Variants in GRIK2 observed in about 807,000 individuals in gnomAD.
The protein encoded by GRIK2 is glutamate ionotropic receptor kainate type subunit 2.
Under a neutral mutation model 100.3 loss-of-function variants are expected in GRIK2, and 32 were observed. The observed-to-expected ratio is 0.32, with a 90% confidence interval of 0.24 to 0.43. The LOEUF (loss-of-function observed/expected upper bound fraction) is 0.43. GRIK2 is among the 20% of genes least tolerant of loss of function. GRIK2 has a pLI of 1.00. For synonymous variants in GRIK2, 417 were observed against 389.4 expected (o/e 1.07, Z -0.83); for missense variants, 843 against 1,114.9 (o/e 0.76, Z 3.47).
At chr6:101,578,155 G>A (rs914089346) in intron 2 of GRIK2, among the ~76,000 whole-genome samples, 1 of 152,138 alleles carries the variant, frequency 6.6e-6, no homozygotes, top group African/African-American at 2.4e-5. Flanking sequence ...ATTACAGCCA[G>A]GGATGCACAG....
intron 14 of GRIK2, among the ~76,000 whole-genome samples, chr6:101,952,012 G>A (rs561031830): frequency 1.1e-4 from 17 of 152,230 alleles, no homozygotes; most frequent in East Asian, 1.9e-4. Flanking sequence ...TAACATTTCC[G>A]TCATCACAAA....
At chr6:101,572,815 A>ATTATTTATTTAT (rs3056164) in intron 2 of GRIK2, among the ~76,000 whole-genome samples, 153 of 109,852 alleles carry the variant, frequency 1.4e-3, no homozygotes, top group Non-Finnish European at 1.5e-3. Context: ...ATTGTTGTTT[A>ATTATTTATTTAT]TTATTTATTT....
In GRIK2 at chr6:102,055,321, CT is replaced by C. The variant is rs1347986425; in HGVS notation, c.2312-6del. The C allele has an allele frequency of 1.4e-5, 23 of 1,598,932 alleles. No individual in the cohort carries two copies. The highest frequency in any genetic ancestry group is 1.8e-5 in the Non-Finnish European group (21 of 1,168,670). On this transcript the variant is annotated splice_region_variant and splice_polypyrimidine_tract_variant and intron_variant, in intron 15 of 16. Transcript: ENST00000369134. ...CTTGAAATACTTAACATAACCTCTC[CT>C]TTCTTAGGTTCTCCATATCGAGACA...
chr6:101,395,582 A>T (rs1249546745), intron 1 of GRIK2, among the ~76,000 whole-genome samples: 1 of 152,202 alleles, frequency 6.6e-6, no homozygotes, highest in Non-Finnish European at 1.5e-5. Flanking sequence ...CACTGGCAGA[A>T]TAGGAAACTA....
chr6:101,860,869 G>A (rs1784696426), intron 11 of GRIK2: 7 of 638,262 alleles, frequency 1.1e-5, no homozygotes, highest in African/African-American at 2.0e-5. Flanking sequence ...AGGGGCTTTG[G>A]ATTTATTTTT....
chr6:101,654,575 C>T (rs1439525520), intron 4 of GRIK2, among the ~76,000 whole-genome samples: 1 of 152,298 alleles, frequency 6.6e-6, no homozygotes, highest in East Asian at 1.9e-4. Context: ...TCAATACCAG[C>T]ACCAGTCTGT....
chr6:101,707,767 A>G (rs1282090850), intron 7 of GRIK2, among the ~76,000 whole-genome samples: 1 of 151,428 alleles, frequency 6.6e-6, no homozygotes, highest in Non-Finnish European at 1.5e-5. Context: ...CATTTGATGT[A>G]TAGTCTTTGA....
chr6:101,942,481 T>C (rs1791015294), intron 14 of GRIK2, among the ~76,000 whole-genome samples: 1 of 152,184 alleles, frequency 6.6e-6, no homozygotes, highest in Admixed American at 6.5e-5. Flanking sequence ...TAGAGACTTG[T>C]TGAATGGTTT....
chr6:101,703,425 C>T (rs1337412), intron 7 of GRIK2, among the ~76,000 whole-genome samples: 97,160 of 151,662 alleles, frequency 0.64, 32,870 homozygotes, highest in Non-Finnish European at 0.77. Flanking sequence ...GCTATGAGAA[C>T]TGCTTAATTT....
At chr6:101,887,644 G>A (rs140517009) in intron 11 of GRIK2, among the ~76,000 whole-genome samples, 1 of 152,242 alleles carries the variant, frequency 6.6e-6, no homozygotes, top group Non-Finnish European at 1.5e-5. Flanking sequence ...AGGAAGCATG[G>A]CTATGGAAGC....
intron 4 of GRIK2, among the ~76,000 whole-genome samples, chr6:101,632,609 T>G (rs1462707800): frequency 6.6e-6 from 1 of 152,166 alleles, no homozygotes; most frequent in African/African-American, 2.4e-5. Context: ...GAATTGTGTT[T>G]CTTTGATTTC....
At chr6:101,398,619 T>C (rs528184655) in intron 1 of GRIK2, among the ~76,000 whole-genome samples, 2 of 152,338 alleles carry the variant, frequency 1.3e-5, no homozygotes, top group African/African-American at 4.8e-5. Context: ...CAGTTGATTG[T>C]AAGAAGTCCG....
At chr6:101,916,450 G>A (rs1234419345) in intron 12 of GRIK2, among the ~76,000 whole-genome samples, 2 of 151,232 alleles carry the variant, frequency 1.3e-5, no homozygotes, top group Non-Finnish European at 3.0e-5. Flanking sequence ...CTATTCGAGT[G>A]AAAATTAAGG....
intron 2 of GRIK2, among the ~76,000 whole-genome samples, chr6:101,454,712 A>G (rs1770900761): frequency 3.3e-5 from 5 of 152,106 alleles, no homozygotes; most frequent in Admixed American, 3.3e-4. Flanking sequence ...AAGTTCCAAT[A>G]GCTTTCTCTG....
intron 7 of GRIK2, among the ~76,000 whole-genome samples, chr6:101,701,400 T>C (rs750482641): frequency 4.6e-5 from 7 of 152,082 alleles, no homozygotes; most frequent in Non-Finnish European, 8.8e-5. Context: ...GGAGAAGAGA[T>C]GTTAATTTGA....
At chr6:101,695,167 G>C (rs1207942008) in intron 7 of GRIK2, among the ~76,000 whole-genome samples, 1 of 152,028 alleles carries the variant, frequency 6.6e-6, no homozygotes, top group Non-Finnish European at 1.5e-5. Flanking sequence ...CCCAGATCAA[G>C]GTATTGGCAG....
chr6:101,711,813 A>G (rs976391116), intron 7 of GRIK2, among the ~76,000 whole-genome samples: 1 of 149,660 alleles, frequency 6.7e-6, no homozygotes. Context: ...TGGGCACACA[A>G]ATCAGCTACA....
intron 2 of GRIK2, among the ~76,000 whole-genome samples, chr6:101,411,307 T>C (rs1775873146): frequency 1.3e-5 from 2 of 152,130 alleles, no homozygotes; most frequent in Non-Finnish European, 2.9e-5. Flanking sequence ...AATTCAAACA[T>C]TGACAAGATA....
At chr6:102,001,452 C>T (rs1051294512) in intron 14 of GRIK2, among the ~76,000 whole-genome samples, 21 of 151,516 alleles carry the variant, frequency 1.4e-4, no homozygotes, top group Admixed American at 4.6e-4. Context: ...TGAGAACATG[C>T]GGTGTTTGGT....
Sources: gnomAD v4.1 joint callset for allele counts (sites outside exome capture counted in the v4.1 genomes callset) on GRCh38, gnomAD v4.1.1 for gene constraint, MANE v1.5 for transcripts, NCBI Gene and HGNC (gene_info 2026-07-23, HGNC 2026-07-21) for gene names.